The following RC3H1 variants were observed in gnomAD, a reference collection of about 807,000 sequenced individuals.
The protein encoded by RC3H1 is ring finger and CCCH-type domains 1, also known as roquin-1.
A neutral mutation model predicts 138.2 loss-of-function variants in RC3H1; 50 were observed. That is an observed-to-expected ratio of 0.36 (90% CI 0.29 to 0.46). The LOEUF (loss-of-function observed/expected upper bound fraction) is 0.46, where lower values mean the gene tolerates loss of function less well. Among genes scored for constraint, RC3H1 ranks in the 20% least tolerant of loss-of-function variants. RC3H1 has a pLI of 1.00. For synonymous variants in RC3H1, 462 were observed against 489.1 expected (o/e 0.94, Z 0.73); for missense variants, 1,031 against 1,388.1 (o/e 0.74, Z 4.09).
intron 7 of RC3H1, among the ~76,000 whole-genome samples, chr1:173,977,712 C>T (rs1469957347): frequency 6.6e-6 from 1 of 152,072 alleles, no homozygotes; most frequent in Non-Finnish European, 1.5e-5. Context: ...AAACAAAATT[C>T]CAAGAGCATA....
At chr1:173,966,329 AG>A (rs770811769) in intron 9 of RC3H1, among the ~76,000 whole-genome samples, 12 of 152,196 alleles carry the variant, frequency 7.9e-5, no homozygotes, top group Admixed American at 2.0e-4. Flanking sequence ...ATCTAACCAA[AG>A]GAAAAAATAT....
chr1:174,020,977 C>A (rs1053522953), intron 1 of RC3H1, among the ~76,000 whole-genome samples: 5 of 152,154 alleles, frequency 3.3e-5, no homozygotes, highest in African/African-American at 1.2e-4. Flanking sequence ...CCACTGCAAT[C>A]CAGCCTGGGT....
rs1476620833 is a variant in RC3H1, at chr1:173,984,769, T to C, written c.232-150A>G. ...TTTCAAAAGATCTTTCCTATTAACA[T>C]GTATCTTTGCATTCCTTTGTTTTGT... On this transcript the variant is annotated intron_variant, in intron 2 of 19. Coordinates refer to ENST00000367696, the MANE Select transcript of RC3H1 (RefSeq NM_172071.4). The C allele has an allele frequency of 1.0e-5, 8 of 781,238 alleles. No homozygotes were observed. In the East Asian group the frequency reaches 2.2e-4, roughly 21 times the overall value. 48.4% of individuals were successfully genotyped at this position (781,238 alleles called of 1,614,324 possible).
Position 174,016,421 on chromosome 1 carries a change from C to T in RC3H1, c.-151+5675G>A, listed in dbSNP as rs1052721347. On this transcript the variant is annotated intron_variant, in intron 1 of 19. Coordinates refer to ENST00000367696, the MANE Select transcript of RC3H1 (RefSeq NM_172071.4). Reference sequence around the variant, plus strand: ...CTTTTCCTTATCATTTTTTAAGTTTCCTTTTTTTTTTTTTTTTTTTTGAGG... The same window carrying T: ...CTTTTCCTTATCATTTTTTAAGTTTTCTTTTTTTTTTTTTTTTTTTTGAGG... 2.7e-4 allele frequency among the ~76,000 whole-genome samples: 36 copies of T among 134,124 alleles called. No individual in the cohort carries two copies. The South Asian group carries it at 7.4e-3, about 28-fold the overall frequency. The allele number at this position is 134,124 out of a possible 152,430, so 88.0% of individuals were successfully genotyped here.
rs1658404376 is a variant in RC3H1 at position 173,932,110 on chromosome 1, C to A, written c.*6611G>T. On this transcript the variant is annotated 3_prime_UTR_variant, in exon 20 of 20. Coordinates refer to ENST00000367696, the MANE Select transcript of RC3H1 (RefSeq NM_172071.4). ...AAATCTCATGGGCTCCTTTATTAAC[C>A]AAGATTATTTTTGTCTTGTTAAATA... The A allele has an allele frequency of 6.6e-6, 1 of 151,966 alleles. No individual in the cohort carries two copies. The highest frequency in any genetic ancestry group is 2.4e-5 in the African/African-American group (1 of 41,360). 9.4% of individuals were successfully genotyped at this position (151,966 alleles called of 1,614,324 possible).
At chr1:173,973,810 A>T (rs1184308221) in intron 7 of RC3H1, among the ~76,000 whole-genome samples, 2 of 152,198 alleles carry the variant, frequency 1.3e-5, no homozygotes, top group Admixed American at 1.3e-4. Context: ...AAAGGAAAAA[A>T]GGTGAAGAAA....
chr1:173,997,046 C>A (rs1309587607), intron 1 of RC3H1, among the ~76,000 whole-genome samples: 1 of 151,814 alleles, frequency 6.6e-6, no homozygotes, highest in African/African-American at 2.4e-5. Context: ...CCTGAGCAAT[C>A]AAGTGAGACC....
chr1:173,955,868 T>C (rs1359077371), intron 13 of RC3H1, among the ~76,000 whole-genome samples: 1 of 152,138 alleles, frequency 6.6e-6, no homozygotes, highest in Non-Finnish European at 1.5e-5. Context: ...CAGTGGCTCA[T>C]GCCTATAATC....
At chr1:174,015,088 A>G (rs1185856946) in intron 1 of RC3H1, among the ~76,000 whole-genome samples, 1 of 152,090 alleles carries the variant, frequency 6.6e-6, no homozygotes, top group Non-Finnish European at 1.5e-5. Flanking sequence ...CATCCTACCT[A>G]TATGGCTCTA....
chr1:174,002,298 A>T (rs1166264762), intron 1 of RC3H1, among the ~76,000 whole-genome samples: 2 of 152,234 alleles, frequency 1.3e-5, no homozygotes, highest in African/African-American at 4.8e-5. Flanking sequence ...TTTGAGACAC[A>T]CAAATCTGAC....
rs1375146987 is a variant in RC3H1 at position 173,936,689 on chromosome 1, T to A, written c.*2032A>T. ...AATGTAAAAGGGTTTTAAGTAAAAGTCAAAAAGCAAACAAAAGCCAAAAAA... is the reference window on the plus strand; with the variant it reads ...AATGTAAAAGGGTTTTAAGTAAAAGACAAAAAGCAAACAAAAGCCAAAAAA... On this transcript the variant is annotated 3_prime_UTR_variant, in exon 20 of 20. Coordinates refer to ENST00000367696, the MANE Select transcript of RC3H1 (RefSeq NM_172071.4). The A allele has an allele frequency of 5.9e-5, 5 of 84,360 alleles. No homozygotes were observed. In the South Asian group the frequency reaches 1.6e-3, roughly 26 times the overall value. 5.2% of individuals were successfully genotyped at this position (84,360 alleles called of 1,614,324 possible). A position where few individuals can be genotyped will look rare whatever the true frequency, so the allele number is the denominator to read the frequency against.
intron 2 of RC3H1, among the ~76,000 whole-genome samples, chr1:173,989,710 GTTTTTTTTTTTT>G (rs372808172): frequency 4.8e-5 from 5 of 103,232 alleles, no homozygotes; most frequent in East Asian, 2.7e-4. Context: ...GTTTATTCAA[GTTTTTTTTTTTT>G]TTTTTTTTTT....
intron 14 of RC3H1, among the ~76,000 whole-genome samples, chr1:173,951,694 T>C (rs1246323947): frequency 1.3e-5 from 2 of 152,188 alleles, no homozygotes; most frequent in Non-Finnish European, 2.9e-5. Flanking sequence ...AAGTCCAAGA[T>C]CTTAATTAAT....
intron 7 of RC3H1, among the ~76,000 whole-genome samples, chr1:173,977,664 T>C (rs1660644252): frequency 6.6e-6 from 1 of 152,082 alleles, no homozygotes; most frequent in African/African-American, 2.4e-5. Context: ...TAATACCTGA[T>C]GCTAAGAATG....
rs1658503248 is a variant in RC3H1 at position 173,934,536 on chromosome 1, CT to C, written c.*4184del. ...GGTTTCATGATCAAAATGGCTACTACTTCCCCCAAAACCAAAACAGAGTAAA... is the reference window on the plus strand; with the variant it reads ...GGTTTCATGATCAAAATGGCTACTACTCCCCCAAAACCAAAACAGAGTAAA... On this transcript the variant is annotated 3_prime_UTR_variant, in exon 20 of 20. Coordinates refer to ENST00000367696, the MANE Select transcript of RC3H1 (RefSeq NM_172071.4). 6.6e-6 allele frequency: 1 copy of C among 152,222 alleles called. No homozygotes were observed. Among genetic ancestry groups the C allele is most frequent in the Non-Finnish European group, 1.5e-5 (1 of 68,036 alleles). 9.4% of individuals were successfully genotyped at this position (152,222 alleles called of 1,614,324 possible).
chr1:174,004,392 G>T (rs771248771), intron 1 of RC3H1, among the ~76,000 whole-genome samples: 3 of 152,064 alleles, frequency 2.0e-5, no homozygotes, highest in Non-Finnish European at 4.4e-5. Context: ...GAAGTTACAG[G>T]CGTGAGCCAC....
intron 17 of RC3H1, among the ~76,000 whole-genome samples, chr1:173,944,665 G>A (rs550810940): frequency 2.2e-4 from 33 of 152,296 alleles, no homozygotes; most frequent in Non-Finnish European, 4.3e-4. Flanking sequence ...GTTAATGAAC[G>A]AAAGATTGCC....
rs1418719154 is a variant in RC3H1, at chr1:173,970,544, G to T, written c.1295C>A (p.Ala432Asp). The T allele has an allele frequency of 3.1e-6, 5 of 1,613,732 alleles. No individual in the cohort carries two copies. Among genetic ancestry groups the T allele is most frequent in the Non-Finnish European group, 3.4e-6 (4 of 1,179,826 alleles). The change falls in exon 9 of 20, where the codon GCC becomes GAC. Residue 432 changes from alanine to aspartate, a missense_variant. This residue lies in a region of RC3H1 where 142 missense variants were observed against 224.6 expected (regional missense o/e 0.63). Transcript: ENST00000367696. ...MKQRGGCPRG[A>D]SCTFAHSQEE... The stretch of plus-strand genomic sequence containing the variant: ...CTGTGAGTGTGCAAATGTACAGCTG[G>T]CCCCACGAGGGCATCCTCCTCTCTG...
rs1293502794 is a variant in RC3H1 at position 173,936,860 on chromosome 1, G to A, written c.*1861C>T. 3.6e-5 allele frequency: 5 copies of A among 139,112 alleles called. No homozygotes were observed. Among genetic ancestry groups the A allele is most frequent in the Admixed American group, 7.4e-5 (1 of 13,578 alleles). 8.6% of individuals were successfully genotyped at this position (139,112 alleles called of 1,614,324 possible). On this transcript the variant is annotated 3_prime_UTR_variant, in exon 20 of 20. Coordinates refer to ENST00000367696, the MANE Select transcript of RC3H1 (RefSeq NM_172071.4). Reference sequence around the variant, plus strand: ...TCAGTGCTTCTACCACCTCCCAATCGGTCAATTTATCGCAACAGCTGCGCT... The same window carrying A: ...TCAGTGCTTCTACCACCTCCCAATCAGTCAATTTATCGCAACAGCTGCGCT...
Sources: gnomAD v4.1 joint callset for allele counts (sites outside exome capture counted in the v4.1 genomes callset) on GRCh38, gnomAD v4.1.1 for gene constraint, gnomAD v4.1.1 regional missense constraint, MANE v1.5 for transcripts, NCBI Gene and HGNC (gene_info 2026-07-23, HGNC 2026-07-21) for gene names.